Variants in ZNG1E observed in about 807,000 individuals in gnomAD.
ZNG1E encodes the protein zinc-regulated GTPase metalloprotein activator 1E.
At chr9:65,687,909 A>G in the ZNG1E span, among the ~76,000 whole-genome samples, 1,443 of 150,756 alleles carry the variant, frequency 9.6e-3, 1 homozygote, top group African/African-American at 0.033. Context: ...CTAAATTATA[A>G]TATGCCCTTA....
At chr9:65,665,762 G>C in the ZNG1E span, among the ~76,000 whole-genome samples, 2 of 133,380 alleles carry the variant, frequency 1.5e-5, no homozygotes, top group Admixed American at 1.6e-4. Flanking sequence ...AGCTGCCCAA[G>C]ACCATAGGAA....
the ZNG1E span, among the ~76,000 whole-genome samples, chr9:65,680,016 G>T: frequency 6.6e-6 from 1 of 152,388 alleles, no homozygotes; most frequent in Non-Finnish European, 1.5e-5. Flanking sequence ...GTAAACATAT[G>T]GTCTTTATCC....
the ZNG1E span, among the ~76,000 whole-genome samples, chr9:65,661,763 G>A: frequency 6.6e-6 from 1 of 152,226 alleles, no homozygotes; most frequent in African/African-American, 2.4e-5. Context: ...AAGCTAAAGA[G>A]ATTAATTGTA....
At chr9:65,691,559 T>C in the ZNG1E span, among the ~76,000 whole-genome samples, 1 of 152,264 alleles carries the variant, frequency 6.6e-6, no homozygotes, top group Non-Finnish European at 1.5e-5. Flanking sequence ...ACTTCCAATT[T>C]AGTGCTTCCA....
the ZNG1E span, among the ~76,000 whole-genome samples, chr9:65,728,084 T>C: frequency 6.6e-6 from 1 of 150,798 alleles, no homozygotes; most frequent in Non-Finnish European, 1.5e-5. Context: ...AAACTGGAAA[T>C]CAACTCCAAA....
At chr9:65,671,560 T>C in the ZNG1E span, among the ~76,000 whole-genome samples, 1 of 152,194 alleles carries the variant, frequency 6.6e-6, no homozygotes, top group African/African-American at 2.4e-5. Context: ...CCTCAGGTGA[T>C]CCACCCGCCC....
the ZNG1E span, among the ~76,000 whole-genome samples, chr9:65,681,326 A>G: frequency 6.6e-6 from 1 of 152,244 alleles, no homozygotes; most frequent in Non-Finnish European, 1.5e-5. Flanking sequence ...AAGAGGCCTA[A>G]GGAGGAAGTA....
the ZNG1E span, chr9:65,703,751 T>A: frequency 2.1e-6 from 2 of 967,444 alleles, no homozygotes; most frequent in East Asian, 2.3e-4. Context: ...AGGCCTTAGA[T>A]GAGTGGCTTG....
the ZNG1E span, among the ~76,000 whole-genome samples, chr9:65,673,684 A>G: frequency 3.9e-5 from 6 of 152,390 alleles, no homozygotes; most frequent in Middle Eastern, 3.4e-3. Context: ...ATATGACTGG[A>G]GTCCCAGCTA....
the ZNG1E span, among the ~76,000 whole-genome samples, chr9:65,678,451 T>G: frequency 1.4e-5 from 2 of 140,976 alleles, no homozygotes; most frequent in African/African-American, 5.5e-5. Flanking sequence ...CTAGAAAACT[T>G]TATTTCAGAA....
At chr9:65,676,862 A>G in the ZNG1E span, among the ~76,000 whole-genome samples, 1 of 146,960 alleles carries the variant, frequency 6.8e-6, no homozygotes, top group Non-Finnish European at 1.5e-5. Context: ...TTACAGTTAA[A>G]TAGAAGGGCT....
At chr9:65,697,453 T>G in the ZNG1E span, among the ~76,000 whole-genome samples, 1 of 92,298 alleles carries the variant, frequency 1.1e-5, no homozygotes, top group African/African-American at 3.7e-5. Flanking sequence ...TAGATTTAGT[T>G]TCTTCCTTTA....
chr9:65,690,929 A>C, the ZNG1E span: 3 of 1,593,162 alleles, frequency 1.9e-6, no homozygotes, highest in Non-Finnish European at 2.6e-6. Context: ...CTCAGTGTGA[A>C]GAAATATTTT....
the ZNG1E span, among the ~76,000 whole-genome samples, chr9:65,658,231 T>C: frequency 3.9e-4 from 59 of 152,132 alleles, no homozygotes; most frequent in African/African-American, 1.4e-3. Context: ...GAGGAGATAT[T>C]GTATTGCACC....
the ZNG1E span, among the ~76,000 whole-genome samples, chr9:65,684,736 G>A: frequency 1.3e-5 from 2 of 152,156 alleles, no homozygotes; most frequent in African/African-American, 4.8e-5. Flanking sequence ...CTAAGGGAGG[G>A]GGTCAAGCAA....
the ZNG1E span, among the ~76,000 whole-genome samples, chr9:65,716,462 A>G: frequency 6.6e-5 from 10 of 151,120 alleles, no homozygotes; most frequent in South Asian, 2.1e-4. Flanking sequence ...CCAGCCTTAT[A>G]TATGTATTTC....
the ZNG1E span, among the ~76,000 whole-genome samples, chr9:65,663,862 A>G: frequency 2.0e-5 from 3 of 151,472 alleles, no homozygotes; most frequent in Admixed American, 1.3e-4. Flanking sequence ...CTCTTCCCCC[A>G]TTGTCTCTGT....
At chr9:65,710,710 C>A in the ZNG1E span, among the ~76,000 whole-genome samples, 2 of 150,024 alleles carry the variant, frequency 1.3e-5, no homozygotes, top group African/African-American at 4.9e-5. Context: ...TTCCATTGAT[C>A]TATATCTCTG....
the ZNG1E span, among the ~76,000 whole-genome samples, chr9:65,678,111 T>C: frequency 6.7e-6 from 1 of 148,570 alleles, no homozygotes; most frequent in Non-Finnish European, 1.5e-5. Context: ...TTTTTTTTTT[T>C]CATAATATGG....
Sources: gnomAD v4.1 joint callset for allele counts (sites outside exome capture counted in the v4.1 genomes callset) on GRCh38, gnomAD v4.1.1 for gene constraint, MANE v1.5 for transcripts, NCBI Gene and HGNC (gene_info 2026-07-23, HGNC 2026-07-21) for gene names.